Variants in DNAJC10 observed in about 807,000 individuals in gnomAD.
DNAJC10 encodes DnaJ heat shock protein family (Hsp40) member C10.
A neutral mutation model predicts 115.0 loss-of-function variants in DNAJC10; 101 were observed. The ratio of observed to expected loss-of-function variants is 0.88; its 90% CI spans 0.75 to 1.04. The LOEUF (loss-of-function observed/expected upper bound fraction) is 1.04. Among genes scored for constraint, DNAJC10 ranks in the 50% least tolerant of loss-of-function variants. The pLI, the probability that DNAJC10 is intolerant of heterozygous loss-of-function variation, is 0.00. For synonymous variants in DNAJC10, 307 were observed against 301.5 expected (o/e 1.02, Z -0.19); for missense variants, 981 against 928.8 (o/e 1.06, Z -0.73).
intron 22 of DNAJC10, among the ~76,000 whole-genome samples, chr2:182,765,159 A>G (rs1694377933): frequency 6.6e-6 from 1 of 152,150 alleles, no homozygotes; most frequent in Non-Finnish European, 1.5e-5. Context: ...CAAACTTAGT[A>G]TCCCTTTGGG....
chr2:182,726,632 C>CACAA (rs1693291658), intron 5 of DNAJC10, among the ~76,000 whole-genome samples: 1 of 152,186 alleles, frequency 6.6e-6, no homozygotes, highest in Non-Finnish European at 1.5e-5. Context: ...GCCACAGCCA[C>CACAA]CCCAACCTTA....
At position 182,788,932 on chromosome 2, in the gene DNAJC10, A is replaced by C. The variant is rs550120945; in HGVS notation, c.*11800A>C. ...TAAATTGTGATAAAGTACATGTAAC[A>C]AAATTTATTAATCATTTTAAAGTAG... On this transcript the variant is annotated 3_prime_UTR_variant, in exon 24 of 24. Transcript: ENST00000264065. 4.9e-6 allele frequency: 2 copies of C among 406,320 alleles called. No homozygotes were observed. Among genetic ancestry groups the C allele is most frequent in the Non-Finnish European group, 9.6e-6 (2 of 209,404 alleles). 25.2% of individuals were successfully genotyped at this position (406,320 alleles called of 1,614,324 possible). A position where few individuals can be genotyped will look rare whatever the true frequency, so the allele number is the denominator to read the frequency against.
intron 13 of DNAJC10, among the ~76,000 whole-genome samples, chr2:182,742,108 A>G (rs914523590): frequency 3.9e-5 from 6 of 152,188 alleles, no homozygotes; most frequent in African/African-American, 1.4e-4. Flanking sequence ...TGTTTAGGAA[A>G]TCCTCTCTTA....
intron 21 of DNAJC10, among the ~76,000 whole-genome samples, chr2:182,762,223 A>G (rs1694303665): frequency 6.6e-6 from 1 of 151,848 alleles, no homozygotes; most frequent in African/African-American, 2.4e-5. Context: ...CCAGGAAGGA[A>G]TCCTTTCATG....
intron 22 of DNAJC10, among the ~76,000 whole-genome samples, chr2:182,772,801 A>G (rs1387961111): frequency 1.3e-5 from 2 of 152,176 alleles, no homozygotes; most frequent in African/African-American, 4.8e-5. Flanking sequence ...CAAATTTGCC[A>G]GCCTGTGTCT....
chr2:182,776,467 A>G (rs149185840), intron 23 of DNAJC10, among the ~76,000 whole-genome samples: 1 of 152,362 alleles, frequency 6.6e-6, no homozygotes, highest in East Asian at 1.9e-4. Context: ...TGCTTTTAAA[A>G]TGGAATTTAA....
At position 182,754,990 on chromosome 2, in the gene DNAJC10, T is replaced by C. The variant is rs747548276; in HGVS notation, c.1552-13T>C. ...TCTATAAAATCTTTAATTCATATTC[T>C]CCTTCCTATCAGTATAACATTCAGG... is the stretch of plus-strand genomic sequence containing the variant. On this transcript the variant is annotated splice_polypyrimidine_tract_variant and intron_variant, in intron 16 of 23. Coordinates refer to ENST00000264065, the MANE Select transcript of DNAJC10 (RefSeq NM_018981.4). 9 of 1,521,236 alleles carry C rather than the reference T, an allele frequency of 5.9e-6. No individual in the cohort carries two copies. Among genetic ancestry groups the C allele is most frequent in the African/African-American group, 1.4e-5 (1 of 72,968 alleles). The allele number at this position is 1,521,236 out of a possible 1,614,324, so 94.2% of individuals were successfully genotyped here. A position where few individuals can be genotyped will look rare whatever the true frequency, so the allele number is the denominator to read the frequency against.
At chr2:182,727,817 G>A (rs868389142) in intron 5 of DNAJC10, among the ~76,000 whole-genome samples, 1 of 152,200 alleles carries the variant, frequency 6.6e-6, no homozygotes, top group South Asian at 2.1e-4. Context: ...TATCTTGAAT[G>A]TGAAAGCACA....
At position 182,756,388 on chromosome 2, in the gene DNAJC10, C is replaced by A; in HGVS notation, c.1728C>A (p.Asn576Lys). The change falls in exon 18 of 24, where the codon AAC (asparagine) becomes AAA (lysine). Residue 576 changes from asparagine (N) to lysine (K), a missense_variant. Physicochemically the swap from Asn to Lys is moderately conservative, Grantham distance 94. Transcript: ENST00000264065. The part of the protein sequence containing the change: ...FNELVTQRKH[N>K]EVWMVDFYSP... ...AACTAGTTACACAAAGAAAACACAA[C>A]GAAGTCTGGATGGTTGATTTCTATT... 1.2e-6 allele frequency: 2 copies of A among 1,613,992 alleles called. No individual in the cohort carries two copies. The highest frequency in any genetic ancestry group is 1.7e-6 in the Non-Finnish European group (2 of 1,179,888).
In DNAJC10 at chr2:182,757,830, G is replaced by A; in HGVS notation, c.1943+5G>A. On this transcript the variant is annotated splice_donor_5th_base_variant and intron_variant, in intron 19 of 23. Coordinates refer to ENST00000264065, the MANE Select transcript of DNAJC10 (RefSeq NM_018981.4). ...AAATAAAGCTTATCATTATCAGTAA[G>A]TATTCTCTCATATTTGAAGACATTT... 7.2e-7 allele frequency: 1 copy of A among 1,393,066 alleles called. No homozygotes were observed. Among genetic ancestry groups the A allele is most frequent in the Non-Finnish European group, 1.0e-6 (1 of 1,000,660 alleles). 86.3% of individuals were successfully genotyped at this position (1,393,066 alleles called of 1,614,324 possible). A position where few individuals can be genotyped will look rare whatever the true frequency, so the allele number is the denominator to read the frequency against.
chr2:182,720,018 T>G lies in DNAJC10; in HGVS notation c.216T>G (p.Asn72Lys). ...ATATTTTTTAACAGAATAACCCAAA[T>G]GCACATGGCGATTTTTTAAAAATAA... The part of the protein sequence containing the change: ...LHPDKNPNNP[N>K]AHGDFLKINR... Residue 72 changes from asparagine to lysine, a missense_variant, in exon 4 of 24, where the codon AAT (asparagine) becomes AAG (lysine). Coordinates refer to ENST00000264065, the MANE Select transcript of DNAJC10 (RefSeq NM_018981.4). 1.3e-6 allele frequency: 2 copies of G among 1,548,310 alleles called. No homozygotes were observed. Among genetic ancestry groups the G allele is most frequent in the Non-Finnish European group, 1.8e-6 (2 of 1,129,606 alleles).
intron 17 of DNAJC10, among the ~76,000 whole-genome samples, chr2:182,755,922 C>A (rs529475011): frequency 6.6e-6 from 1 of 152,148 alleles, no homozygotes; most frequent in African/African-American, 2.4e-5. Flanking sequence ...GATAAATAGA[C>A]CTTGATTTTT....
At chr2:182,772,388 C>G (rs1306539406) in intron 22 of DNAJC10, among the ~76,000 whole-genome samples, 2 of 152,042 alleles carry the variant, frequency 1.3e-5, no homozygotes, top group Non-Finnish European at 2.9e-5. Flanking sequence ...AACCTTGTGT[C>G]TCATTGATCT....
intron 16 of DNAJC10, among the ~76,000 whole-genome samples, chr2:182,754,466 C>G (rs1036075117): frequency 6.6e-6 from 1 of 152,074 alleles, no homozygotes; most frequent in African/African-American, 2.4e-5. Context: ...TAAGCATTTC[C>G]TACTATAAAG....
chr2:182,756,448 A>G lies in DNAJC10; in HGVS notation c.1788A>G (p.Pro596=). ...GTCATCCTTGCCAAGTCTTAATGCC[A>G]GAATGGAAAAGAATGGCCCGGGTAT... ...PWCHPCQVLM[P]EWKRMARTLT... is the part of the protein sequence containing the mutation. The change falls in exon 18 of 24, where the codon CCA becomes CCG. Residue 596 remains proline (P), a synonymous_variant. Transcript: ENST00000264065. 1 of 1,613,672 alleles carries G rather than the reference A, an allele frequency of 6.2e-7. No homozygotes were observed. The highest frequency in any genetic ancestry group is 8.5e-7 in the Non-Finnish European group (1 of 1,179,790).
At position 182,793,348 on chromosome 2, in the gene DNAJC10, A is replaced by G. The variant is rs1695086159; in HGVS notation, c.*16216A>G. On this transcript the variant is annotated 3_prime_UTR_variant, in exon 24 of 24. Transcript: ENST00000264065. ...AACTTTTGTAAGGACTTCAACTTCTACTCACAGTGAAATTGTGAAATTCCA... is the reference window on the plus strand; with the variant it reads ...AACTTTTGTAAGGACTTCAACTTCTGCTCACAGTGAAATTGTGAAATTCCA... The G allele has an allele frequency of 6.6e-6, 1 of 152,204 alleles. No homozygotes were observed. Among genetic ancestry groups the G allele is most frequent in the Non-Finnish European group, 1.5e-5 (1 of 68,050 alleles). The allele number at this position is 152,204 out of a possible 1,614,324, so 9.4% of individuals were successfully genotyped here. A position where few individuals can be genotyped will look rare whatever the true frequency, so the allele number is the denominator to read the frequency against.
In DNAJC10 at chr2:182,792,899, G is replaced by GAGAT. The variant is rs1010472299; in HGVS notation, c.*15771_*15774dup. ...ATGAAGATTCTATTCTCGCAGTGGG[G>GAGAT]AGATAGACAATAAACAATTAATATA... On this transcript the variant is annotated 3_prime_UTR_variant, in exon 24 of 24. Transcript: ENST00000264065. The GAGAT allele has an allele frequency of 2.2e-4, 33 of 152,168 alleles. No homozygotes were observed. The highest frequency in any genetic ancestry group is 3.1e-4 in the Non-Finnish European group (21 of 68,046). 9.4% of individuals were successfully genotyped at this position (152,168 alleles called of 1,614,324 possible). A position where few individuals can be genotyped will look rare whatever the true frequency, so the allele number is the denominator to read the frequency against.
At chr2:182,731,184 G>A (rs920723578) in intron 9 of DNAJC10, 77 bp downstream of exon 9, 1 of 1,027,210 alleles carries the variant, frequency 9.7e-7, no homozygotes, top group East Asian at 2.4e-5. Flanking sequence ...GTATGCTACT[G>A]TAATTGATTA....
At chr2:182,759,381 G>T in intron 21 of DNAJC10, 74 bp downstream of exon 21, 1 of 1,440,350 alleles carries the variant, frequency 6.9e-7, no homozygotes, top group Non-Finnish European at 9.4e-7. Flanking sequence ...TTGTAAGTAT[G>T]TAATTTTTAG....
Sources: allele counts gnomAD v4.1 joint callset (sites outside exome capture counted in the v4.1 genomes callset), GRCh38; gene constraint gnomAD v4.1.1; transcripts MANE v1.5; gene names NCBI Gene and HGNC (gene_info 2026-07-23, HGNC 2026-07-21).